Variants in STAC observed in about 807,000 individuals in gnomAD.
The protein encoded by STAC is SH3 and cysteine-rich domain-containing protein.
STAC carries 43 observed loss-of-function variants against 48.8 expected under a neutral mutation model. The ratio of observed to expected loss-of-function variants is 0.88; its 90% CI spans 0.69 to 1.14. The LOEUF (loss-of-function observed/expected upper bound fraction) is 1.14. Ranked by LOEUF, STAC falls within the 50% of genes most tolerant of loss-of-function variation. The probability of loss-of-function intolerance (pLI) is 0.00; values close to 1 mark genes in which losing one functional copy is unlikely to be tolerated. For synonymous variants in STAC, 193 were observed against 179.5 expected, an observed-to-expected ratio of 1.07 and a Z score of -0.60; for missense variants, 497 against 504.0, an observed-to-expected ratio of 0.99 and a Z score of 0.13.
chr3:36,415,546 A>G (rs9864637), intron 1 of STAC, among the ~76,000 whole-genome samples: 1,906 of 152,302 alleles, frequency 0.013, 43 homozygotes, highest in African/African-American at 0.043. Flanking sequence ...GCCATCTGTC[A>G]CAGCTTTGCT....
chr3:36,456,941 A>C (rs1696871361), intron 2 of STAC, among the ~76,000 whole-genome samples: 1 of 152,180 alleles, frequency 6.6e-6, no homozygotes, highest in African/African-American at 2.4e-5. Context: ...TCATCCACTT[A>C]ATATACTGCT....
chr3:36,456,496 C>T (rs909239584), intron 2 of STAC, among the ~76,000 whole-genome samples: 1 of 152,142 alleles, frequency 6.6e-6, no homozygotes, highest in African/African-American at 2.4e-5. Context: ...AGGCACTTTG[C>T]TTCTTCCCTG....
chr3:36,481,123 C>G (rs988829775), intron 2 of STAC, among the ~76,000 whole-genome samples: 2 of 152,096 alleles, frequency 1.3e-5, no homozygotes, highest in Non-Finnish European at 2.9e-5. Flanking sequence ...GTGATGGAAA[C>G]AGCATTCCAA....
intron 8 of STAC, among the ~76,000 whole-genome samples, chr3:36,522,149 C>A (rs1047193072): frequency 6.6e-6 from 1 of 152,066 alleles, no homozygotes; most frequent in Non-Finnish European, 1.5e-5. Context: ...ATTTATCATG[C>A]ATAATATATA....
intron 2 of STAC, among the ~76,000 whole-genome samples, chr3:36,460,873 A>G (rs55978966): frequency 0.14 from 20,625 of 152,198 alleles, 1,570 homozygotes; most frequent in African/African-American, 0.21. Flanking sequence ...TCTAAAATTC[A>G]TAGGAAACCA....
intron 6 of STAC, among the ~76,000 whole-genome samples, chr3:36,496,070 T>G (rs993393374): frequency 1.3e-5 from 2 of 152,198 alleles, no homozygotes; most frequent in African/African-American, 4.8e-5. Context: ...CACAAAGACA[T>G]CAAGTTGACA....
At chr3:36,454,112 AGCAG>A (rs1440958957) in intron 2 of STAC, among the ~76,000 whole-genome samples, 4 of 152,170 alleles carry the variant, frequency 2.6e-5, no homozygotes, top group African/African-American at 9.7e-5. Flanking sequence ...AGAGAATAAA[AGCAG>A]GCTGCCCTAG....
intron 10 of STAC, among the ~76,000 whole-genome samples, chr3:36,534,012 T>A (rs1699136895): frequency 6.6e-6 from 1 of 152,154 alleles, no homozygotes; most frequent in African/African-American, 2.4e-5. Flanking sequence ...AAGAAAAAAA[T>A]GCTTTTAAAA....
intron 1 of STAC, chr3:36,409,417 G>A (rs933119018): frequency 2.0e-5 from 3 of 152,142 alleles, no homozygotes; most frequent in South Asian, 4.1e-4. Context: ...GTCAACAGTC[G>A]ATATTCCCAA....
At chr3:36,526,323 G>T (rs185198851) in intron 8 of STAC, among the ~76,000 whole-genome samples, 1 of 152,144 alleles carries the variant, frequency 6.6e-6, no homozygotes, top group African/African-American at 2.4e-5. Context: ...GATGGAGCCT[G>T]TTACCCTATC....
intron 8 of STAC, among the ~76,000 whole-genome samples, chr3:36,522,225 A>T (rs1228106504): frequency 6.6e-6 from 1 of 152,092 alleles, no homozygotes; most frequent in African/African-American, 2.4e-5. Context: ...TTTGTTTGGG[A>T]TCAGTTCTAT....
intron 1 of STAC, among the ~76,000 whole-genome samples, chr3:36,406,762 G>T (rs1700095056): frequency 6.6e-6 from 1 of 152,332 alleles, no homozygotes; most frequent in East Asian, 1.9e-4. Flanking sequence ...ATGCAGAGTT[G>T]AGTAGTAGTG....
intron 2 of STAC, among the ~76,000 whole-genome samples, chr3:36,482,291 C>T (rs1292376301): frequency 6.6e-6 from 1 of 152,200 alleles, no homozygotes; most frequent in Non-Finnish European, 1.5e-5. Context: ...TATTAGGCCT[C>T]CCAGTTCCTC....
At chr3:36,501,425 TTAAGA>T (rs1698280747) in intron 6 of STAC, among the ~76,000 whole-genome samples, 1 of 151,798 alleles carries the variant, frequency 6.6e-6, no homozygotes, top group Non-Finnish European at 1.5e-5. Context: ...TAATGATTTT[TTAAGA>T]TAAAAGAGAT....
chr3:36,410,018 G>A (rs1474217164), intron 1 of STAC, among the ~76,000 whole-genome samples: 41 of 152,274 alleles, frequency 2.7e-4, no homozygotes, highest in Non-Finnish European at 1.5e-4. Context: ...TATTTTTAGA[G>A]AAAGTGATTT....
intron 2 of STAC, among the ~76,000 whole-genome samples, chr3:36,452,836 A>G (rs1256120332): frequency 6.6e-6 from 1 of 152,208 alleles, no homozygotes; most frequent in Admixed American, 6.5e-5. Flanking sequence ...GGCAGAAAGG[A>G]GGAGCCCCTG....
Position 36,538,550 on chromosome 3 carries a change from C to A in STAC, c.1111-7641C>A, listed in dbSNP as rs548272919. ...CTTTGGAATTTAGCGGAAAACAGATCAAGACGTGTACAATTCTTGATGCAT... is the reference window on the plus strand; with the variant it reads ...CTTTGGAATTTAGCGGAAAACAGATAAAGACGTGTACAATTCTTGATGCAT... On this transcript the variant is annotated intron_variant, in intron 10 of 10. Transcript: ENST00000273183. Among the ~76,000 whole-genome samples the A allele has an allele frequency of 2.4e-3, 358 of 152,274 alleles. 1 individual carries two copies. Among genetic ancestry groups the A allele is most frequent in the African/African-American group, 7.9e-3 (330 of 41,562 alleles).
intron 1 of STAC, among the ~76,000 whole-genome samples, chr3:36,427,832 GA>G (rs1194254491): frequency 3.3e-5 from 5 of 152,076 alleles, no homozygotes; most frequent in African/African-American, 1.2e-4. Context: ...TCCTAATAAT[GA>G]TGTACCCAGA....
chr3:36,403,128 C>T (rs1344899068), intron 1 of STAC, among the ~76,000 whole-genome samples: 1 of 152,106 alleles, frequency 6.6e-6, no homozygotes, highest in South Asian at 2.1e-4. Context: ...TAAAAAGGTA[C>T]AATCAATGCC....
Sources: gnomAD v4.1 joint callset for allele counts (sites outside exome capture counted in the v4.1 genomes callset) on GRCh38, gnomAD v4.1.1 for gene constraint, MANE v1.5 for transcripts, NCBI Gene and HGNC (gene_info 2026-07-23, HGNC 2026-07-21) for gene names.